Variants in PTPRN2 observed in about 807,000 individuals in gnomAD.
PTPRN2 encodes receptor-type tyrosine-protein phosphatase N2.
A neutral mutation model predicts 118.8 loss-of-function variants in PTPRN2; 74 were observed. The observed-to-expected ratio is 0.62, with a 90% CI of 0.52 to 0.76. The LOEUF is 0.76. PTPRN2 is among the 30% of genes least tolerant of loss of function. PTPRN2 has a pLI of 0.00. For synonymous variants in PTPRN2, 641 were observed against 608.0 expected, an observed-to-expected ratio of 1.05 and a Z score of -0.80; for missense variants, 1,481 against 1,394.4, an observed-to-expected ratio of 1.06 and a Z score of -0.99.
At chr7:157,975,086 C>A (rs1314376252) in intron 11 of PTPRN2, among the ~76,000 whole-genome samples, 1 of 152,098 alleles carries the variant, frequency 6.6e-6, no homozygotes, top group Non-Finnish European at 1.5e-5. Flanking sequence ...CAGCAGGGTG[C>A]AGCCCAGGCC....
intron 11 of PTPRN2, among the ~76,000 whole-genome samples, chr7:157,942,030 G>T (rs1800163639): frequency 6.7e-6 from 1 of 148,180 alleles, no homozygotes; most frequent in Non-Finnish European, 1.5e-5. Flanking sequence ...TCGCACACGG[G>T]GGTCCTCGGC....
In PTPRN2 at chr7:158,143,511, G is replaced by A. The variant is rs568272487; in HGVS notation, c.911-4996C>T. Among the ~76,000 whole-genome samples, 14 of 152,332 alleles carry A rather than the reference G, an allele frequency of 9.2e-5. 1 individual carries two copies. The South Asian group carries it at 2.3e-3, about 25-fold the overall frequency. On this transcript the variant is annotated intron_variant, in intron 6 of 22. Coordinates refer to ENST00000389418, the MANE Select transcript of PTPRN2 (RefSeq NM_002847.5). ...GTCGGCCCGGCCATAGCTCACGGTG[G>A]ACACCAGTCCCCGTGATGGAATTTC...
chr7:157,548,658 C>T (rs190459488), intron 22 of PTPRN2, among the ~76,000 whole-genome samples: 9 of 152,246 alleles, frequency 5.9e-5, no homozygotes, highest in Non-Finnish European at 8.8e-5. Flanking sequence ...AAAAATGCAG[C>T]GTTCTCCCCC....
intron 12 of PTPRN2, among the ~76,000 whole-genome samples, chr7:157,772,290 A>AAG (rs1563092016): frequency 6.6e-5 from 8 of 121,416 alleles, no homozygotes; most frequent in Non-Finnish European, 1.9e-5. Context: ...CAGACACACA[A>AAG]ACACACAGAC....
chr7:158,199,922 A>T (rs997177033), intron 4 of PTPRN2, among the ~76,000 whole-genome samples: 1 of 152,202 alleles, frequency 6.6e-6, no homozygotes, highest in African/African-American at 2.4e-5. Context: ...CCCTTTAATG[A>T]GGAATGAAAC....
intron 11 of PTPRN2, among the ~76,000 whole-genome samples, chr7:157,900,060 A>G (rs1797353940): frequency 6.6e-6 from 1 of 152,202 alleles, no homozygotes; most frequent in Non-Finnish European, 1.5e-5. Flanking sequence ...GTACAAATGC[A>G]ACCTTAGAAC....
intron 12 of PTPRN2, among the ~76,000 whole-genome samples, chr7:157,773,437 C>T (rs78361639): frequency 1.3e-5 from 2 of 152,354 alleles, no homozygotes; most frequent in Non-Finnish European, 2.9e-5. Context: ...TCCCCACAGA[C>T]GCCTTTGCTC....
chr7:158,440,078 C>A (rs1816873030), intron 2 of PTPRN2, among the ~76,000 whole-genome samples: 2 of 152,248 alleles, frequency 1.3e-5, no homozygotes, highest in Admixed American at 1.3e-4. Flanking sequence ...TGGCCTCTCA[C>A]CCTAATGAGT....
intron 21 of PTPRN2, among the ~76,000 whole-genome samples, chr7:157,558,926 C>A (rs774234621): frequency 2.0e-5 from 3 of 152,204 alleles, no homozygotes; most frequent in African/African-American, 7.2e-5. Flanking sequence ...GTCCCATGCC[C>A]GTGGGCTCAT....
chr7:158,542,429 G>A (rs2335161), intron 1 of PTPRN2, among the ~76,000 whole-genome samples: 68,666 of 152,084 alleles, frequency 0.45, 16,024 homozygotes, highest in East Asian at 0.68. Context: ...ATGGGATTAC[G>A]GGCGTGAGCC....
At chr7:158,271,063 ACCCCCTCCACCTGGACGAC>A (rs1798470374) in intron 3 of PTPRN2, among the ~76,000 whole-genome samples, 1 of 26,480 alleles carries the variant, frequency 3.8e-5, no homozygotes, top group Non-Finnish European at 7.3e-5. Flanking sequence ...AACCTGGGCC[ACCCCCTCCACCTGGACGAC>A]CCCCTCCACC....
At chr7:157,745,415 A>G (rs1800863689) in intron 12 of PTPRN2, among the ~76,000 whole-genome samples, 1 of 151,876 alleles carries the variant, frequency 6.6e-6, no homozygotes, top group Non-Finnish European at 1.5e-5. Flanking sequence ...GGGAGAGGAC[A>G]GGCTGCGGGA....
At chr7:157,695,161 T>G (rs1169059233) in intron 12 of PTPRN2, among the ~76,000 whole-genome samples, 3 of 152,072 alleles carry the variant, frequency 2.0e-5, no homozygotes, top group Non-Finnish European at 4.4e-5. Flanking sequence ...GATTACACAT[T>G]TAAGTGATTA....
chr7:158,217,578 C>T (rs1251940959), intron 3 of PTPRN2, among the ~76,000 whole-genome samples: 1 of 152,180 alleles, frequency 6.6e-6, no homozygotes, highest in Non-Finnish European at 1.5e-5. Flanking sequence ...AATGAACACA[C>T]TAGCTACCCA....
intron 11 of PTPRN2, among the ~76,000 whole-genome samples, chr7:157,904,497 A>C (rs1797650179): frequency 6.6e-6 from 1 of 152,246 alleles, no homozygotes; most frequent in Non-Finnish European, 1.5e-5. Flanking sequence ...AAAGCCCGAC[A>C]GTGCCCTGAG....
chr7:158,556,492 G>A (rs1245832102), intron 1 of PTPRN2, among the ~76,000 whole-genome samples: 2 of 151,630 alleles, frequency 1.3e-5, no homozygotes. Flanking sequence ...GGCGGAAGTT[G>A]CAGTGAGCCG....
chr7:158,533,397 C>G (rs1825395669), intron 1 of PTPRN2, among the ~76,000 whole-genome samples: 1 of 152,254 alleles, frequency 6.6e-6, no homozygotes, highest in South Asian at 2.1e-4. Context: ...CCCTCCGCAT[C>G]TGGCTGCAAA....
chr7:158,400,588 T>G (rs1812860168), intron 2 of PTPRN2, among the ~76,000 whole-genome samples: 1 of 152,150 alleles, frequency 6.6e-6, no homozygotes, highest in South Asian at 2.1e-4. Context: ...CAAGATGCGC[T>G]TTGTCATCTC....
chr7:157,760,202 T>C lies in PTPRN2; in HGVS notation c.1789-77265A>G, dbSNP rs187440498. 4.2e-3 allele frequency among the ~76,000 whole-genome samples: 640 copies of C among 152,268 alleles called. 4 individuals carry two copies. Among genetic ancestry groups the C allele is most frequent in the African/African-American group, 0.015 (620 of 41,558 alleles). On this transcript the variant is annotated intron_variant, in intron 12 of 22. Transcript: ENST00000389418. ...CCCACGTGGTGATCAGTTTCCCACG[T>C]GCTCAGGGGGTTCTGCGCCCTGCCC...
Sources: allele counts gnomAD v4.1 joint callset (sites outside exome capture counted in the v4.1 genomes callset), GRCh38; gene constraint gnomAD v4.1.1; transcripts MANE v1.5; gene names NCBI Gene and HGNC (gene_info 2026-07-23, HGNC 2026-07-21).